NR1H4: variants seen among roughly 807,000 people sequenced by gnomAD.
The protein encoded by NR1H4 is nuclear receptor subfamily 1 group H member 4, also known as bile acid receptor.
NR1H4 carries 23 observed loss-of-function variants against 58.5 expected under a neutral mutation model. The observed-to-expected ratio is 0.39, with a 90% CI of 0.28 to 0.56. The LOEUF (loss-of-function observed/expected upper bound fraction) is 0.56. Among genes scored for constraint, NR1H4 ranks in the 20% least tolerant of loss-of-function variants. The pLI is 0.58. For missense variants in NR1H4, 487 were observed against 576.9 expected, an observed-to-expected ratio of 0.84 and a Z score of 1.60; for synonymous variants, 214 against 198.0, an observed-to-expected ratio of 1.08 and a Z score of -0.68.
chr12:100,512,529 T>A (rs1172232303), intron 4 of NR1H4, among the ~76,000 whole-genome samples: 2 of 151,516 alleles, frequency 1.3e-5, no homozygotes, highest in African/African-American at 4.9e-5. Flanking sequence ...TAGTCCCAGC[T>A]ACTCAGGAGG....
chr12:100,503,357 C>A, intron 3 of NR1H4: 1 of 1,588,848 alleles, frequency 6.3e-7, no homozygotes, highest in South Asian at 1.1e-5. Context: ...CTTACCTAGT[C>A]TCATTTTCAG....
intron 4 of NR1H4, among the ~76,000 whole-genome samples, chr12:100,530,440 A>G (rs1369766345): frequency 6.6e-6 from 1 of 152,206 alleles, no homozygotes; most frequent in Non-Finnish European, 1.5e-5. Context: ...TAAATGTTAG[A>G]TATTATTCCA....
At chr12:100,558,793 G>A (rs1955394657) in intron 9 of NR1H4, among the ~76,000 whole-genome samples, 1 of 152,228 alleles carries the variant, frequency 6.6e-6, no homozygotes, top group East Asian at 1.9e-4. Flanking sequence ...GTGGCTAGAG[G>A]AAAGGCAGTG....
intron 3 of NR1H4, 150 bp downstream of exon 3, chr12:100,493,552 G>T (rs923349757): frequency 2.4e-5 from 15 of 622,944 alleles, no homozygotes; most frequent in Admixed American, 1.3e-4. Context: ...ACTCTGCAAG[G>T]TTAGAGGTAG....
intron 9 of NR1H4, among the ~76,000 whole-genome samples, chr12:100,555,277 C>A (rs1310959981): frequency 6.6e-6 from 1 of 152,130 alleles, no homozygotes; most frequent in Non-Finnish European, 1.5e-5. Context: ...GTAACCACAA[C>A]TGAGGAGTGT....
At chr12:100,477,798 A>G (rs1953301529) in intron 1 of NR1H4, among the ~76,000 whole-genome samples, 1 of 152,224 alleles carries the variant, frequency 6.6e-6, no homozygotes, top group African/African-American at 2.4e-5. Flanking sequence ...GTTGCCATCC[A>G]GAATTTGCAG....
At chr12:100,526,947 A>G (rs545121921) in intron 4 of NR1H4, among the ~76,000 whole-genome samples, 89 of 152,362 alleles carry the variant, frequency 5.8e-4, no homozygotes, top group Non-Finnish European at 1.1e-3. Context: ...CTTTTGTCCC[A>G]GCAAGTGAAC....
intron 4 of NR1H4, 48 bp from the exon 5 acceptor site, chr12:100,532,410 G>A (rs898916049): frequency 6.2e-7 from 1 of 1,603,990 alleles, no homozygotes; most frequent in Non-Finnish European, 8.5e-7. Flanking sequence ...TTTTTTTCCT[G>A]AGAAGCTGTG....
At chr12:100,545,401 A>G (rs928311420) in intron 9 of NR1H4, among the ~76,000 whole-genome samples, 1 of 152,048 alleles carries the variant, frequency 6.6e-6, no homozygotes, top group African/African-American at 2.4e-5. Context: ...GCACTTTGGG[A>G]GGCCAAGGCA....
chr12:100,477,431 T>C (rs536900492), intron 1 of NR1H4, among the ~76,000 whole-genome samples: 6 of 152,284 alleles, frequency 3.9e-5, no homozygotes, highest in South Asian at 2.1e-4. Flanking sequence ...CTTCCCATTT[T>C]AAAGAGATTT....
chr12:100,561,532 T>C (rs941682044), intron 9 of NR1H4, among the ~76,000 whole-genome samples: 1 of 152,238 alleles, frequency 6.6e-6, no homozygotes, highest in Non-Finnish European at 1.5e-5. Flanking sequence ...TTATCGATAG[T>C]CATATTCAAA....
At position 100,503,133 on chromosome 12, in the gene NR1H4, C is replaced by A. The variant is rs571785095; in HGVS notation, c.80-7645C>A. Among the ~76,000 whole-genome samples, 83 of 152,266 alleles carry A rather than the reference C, an allele frequency of 5.5e-4. 1 individual carries two copies. Among genetic ancestry groups the A allele is most frequent in the African/African-American group, 2.0e-3 (82 of 41,536 alleles). Reference sequence around the variant, plus strand: ...TCAGGACCCGGAGCATGGCACTTGACCTCCAAGTCCAGTTTTAGAGCCAGT... The same window carrying A: ...TCAGGACCCGGAGCATGGCACTTGAACTCCAAGTCCAGTTTTAGAGCCAGT... On this transcript the variant is annotated intron_variant, in intron 3 of 10. Transcript: ENST00000392986.
intron 3 of NR1H4, among the ~76,000 whole-genome samples, chr12:100,501,322 G>A (rs1335943673): frequency 6.6e-6 from 1 of 152,008 alleles, no homozygotes; most frequent in Non-Finnish European, 1.5e-5. Flanking sequence ...AAGGGAGAAC[G>A]AGGTCAGAAG....
At position 100,555,071 on chromosome 12, in the gene NR1H4, C is replaced by A. The variant is rs144084284; in HGVS notation, c.1079-6814C>A. On this transcript the variant is annotated intron_variant, in intron 9 of 10. Transcript: ENST00000392986. ...TAACCTTATTTTCCCCAAATGTTAT[C>A]AATTGTAATTAGATAGCTAATGGAG... Among the ~76,000 whole-genome samples, 615 of 152,192 alleles carry A rather than the reference C, an allele frequency of 4.0e-3. 4 individuals are homozygous for A. The highest frequency in any genetic ancestry group is 0.014 in the African/African-American group (582 of 41,518).
chr12:100,509,476 A>G (rs1256724852), intron 3 of NR1H4, among the ~76,000 whole-genome samples: 2 of 152,190 alleles, frequency 1.3e-5, no homozygotes, highest in African/African-American at 2.4e-5. Flanking sequence ...TATTATTCCT[A>G]TTTTAAGTCA....
intron 9 of NR1H4, among the ~76,000 whole-genome samples, chr12:100,551,969 A>C (rs955197876): frequency 6.6e-6 from 1 of 152,262 alleles, no homozygotes; most frequent in Admixed American, 6.5e-5. Flanking sequence ...ACAAGAAAAA[A>C]GTCTGTACAC....
At chr12:100,526,916 T>A (rs1222314761) in intron 4 of NR1H4, among the ~76,000 whole-genome samples, 1 of 152,216 alleles carries the variant, frequency 6.6e-6, no homozygotes, top group African/African-American at 2.4e-5. Flanking sequence ...TTATCTTTAT[T>A]TAGAGACAGA....
intron 5 of NR1H4, among the ~76,000 whole-genome samples, chr12:100,534,651 G>A (rs1302038899): frequency 6.6e-6 from 1 of 152,050 alleles, no homozygotes; most frequent in Non-Finnish European, 1.5e-5. Context: ...AACTCTATGA[G>A]GTAGATATTA....
Position 100,550,136 on chromosome 12 carries a change from A to T in NR1H4, c.1078+9318A>T, listed in dbSNP as rs1158117996. ...TGTCTCTGAGATGCTTTTAATGAGA[A>T]TTAGAGTATTTATGTTAATTGAGGC... is the stretch of plus-strand genomic sequence containing the variant. On this transcript the variant is annotated intron_variant, in intron 9 of 10. Transcript: ENST00000392986. Among the ~76,000 whole-genome samples the T allele has an allele frequency of 5.3e-5, 8 of 152,274 alleles. No individual in the cohort carries two copies. The East Asian group carries it at 1.3e-3, about 26-fold the overall frequency.
Sources: gnomAD v4.1 joint callset for allele counts (sites outside exome capture counted in the v4.1 genomes callset) on GRCh38, gnomAD v4.1.1 for gene constraint, MANE v1.5 for transcripts, NCBI Gene and HGNC (gene_info 2026-07-23, HGNC 2026-07-21) for gene names.